Variants in FAT2 observed in about 807,000 individuals in gnomAD.
The protein encoded by FAT2 is FAT atypical cadherin 2.
Under a neutral mutation model 295.3 loss-of-function variants are expected in FAT2, and 150 were observed. The observed-to-expected ratio is 0.51, with a 90% CI of 0.44 to 0.58. The LOEUF (loss-of-function observed/expected upper bound fraction) is 0.58, where lower values mean the gene tolerates loss of function less well. Among genes scored for constraint, FAT2 ranks in the 20% least tolerant of loss-of-function variants. FAT2 has a pLI of 0.00. For synonymous variants in FAT2, 2,026 were observed against 2,150.3 expected, an observed-to-expected ratio of 0.94 and a Z score of 1.60; for missense variants, 4,868 against 5,442.7, an observed-to-expected ratio of 0.89 and a Z score of 3.32.
chr5:151,509,771 G>A, intron 22 of FAT2: 1 of 438,718 alleles, frequency 2.3e-6, no homozygotes, highest in Non-Finnish European at 4.1e-6. Flanking sequence ...TGCAATAAAT[G>A]TCATGTGCTT....
chr5:151,567,212 G>A lies in FAT2; in HGVS notation c.1720C>T (p.Arg574Cys), dbSNP rs1432862. ...FEEVNCTGSI[R>C]QDWPVGKSIM... ...GATTTCCCTACTGGCCAGTCTTGGC[G>A]GATAGACCCTGTACAGTTGACTTCT... is the stretch of plus-strand genomic sequence containing the variant. The change falls in exon 2 of 24, where the codon CGC becomes TGC. Residue 574 changes from arginine to cysteine, a missense_variant. Arg to Cys is a radical substitution (Grantham distance 180). Around this residue, in one of 5 missense-constraint regions of FAT2, gnomAD observed 3,297 missense variants for 3,669.4 expected, o/e 0.90. Transcript: ENST00000261800. 0.5 allele frequency: 812,272 copies of A among 1,613,572 alleles called. 207,845 individuals carry two copies. Among genetic ancestry groups the A allele is most frequent in the Non-Finnish European group, 0.53 (623,845 of 1,179,788 alleles).
intron 21 of FAT2, 177 bp from the exon 22 acceptor site, chr5:151,510,351 T>C (rs1300905352): frequency 3.1e-6 from 2 of 640,256 alleles, no homozygotes; most frequent in East Asian, 2.8e-5. Flanking sequence ...AAGAGCACTT[T>C]GGTCCCTGCC....
At chr5:151,558,386 C>A (rs771154267) in intron 3 of FAT2, among the ~76,000 whole-genome samples, 1 of 152,052 alleles carries the variant, frequency 6.6e-6, no homozygotes, top group Non-Finnish European at 1.5e-5. Context: ...GAGGCCGAAG[C>A]GGGCGGATCA....
At chr5:151,508,612 AG>A (rs199742095) in intron 22 of FAT2, among the ~76,000 whole-genome samples, 2,242 of 151,810 alleles carry the variant, frequency 0.015, 15 homozygotes, top group Non-Finnish European at 0.02. Context: ...TGGCAGGCTG[AG>A]GCAGGGGAAT....
At position 151,545,686 on chromosome 5, in the gene FAT2, T is replaced by G. The variant is rs1183126397; in HGVS notation, c.5441A>C (p.Lys1814Thr). Reference protein sequence around the residue: ...ILEPEALKFFKIDPSMGTLTI... With the variant: ...ILEPEALKFFTIDPSMGTLTI... ...TAGGGTTCCCATGCTGGGATCAATT[T>G]TGAAAAACTTCAAGGCCTCCGGCTC... Residue 1814 changes from lysine to threonine, a missense_variant, in exon 10 of 24, where the codon AAA (lysine) becomes ACA (threonine). Physicochemically the swap from Lys to Thr is moderately conservative, Grantham distance 78 (BLOSUM62 -1). Coordinates refer to ENST00000261800, the MANE Select transcript of FAT2 (RefSeq NM_001447.3). The G allele has an allele frequency of 1.2e-6, 2 of 1,614,076 alleles. No homozygotes were observed. Among genetic ancestry groups the G allele is most frequent in the African/African-American group, 2.7e-5 (2 of 74,934 alleles).
chr5:151,575,540 C>T (rs375731517), intron 1 of FAT2, among the ~76,000 whole-genome samples: 20 of 152,168 alleles, frequency 1.3e-4, no homozygotes, highest in East Asian at 1.9e-4. Flanking sequence ...AGGTAAAGTA[C>T]GGCAAATACC....
chr5:151,537,714 A>C (rs1437315679), intron 12 of FAT2, 79 bp downstream of exon 12: 1 of 1,402,248 alleles, frequency 7.1e-7, no homozygotes, highest in Non-Finnish European at 9.7e-7. Context: ...TTTCTTCTCC[A>C]AGGAGAATAC....
At position 151,543,267 on chromosome 5, in the gene FAT2, G is replaced by A. The variant is rs1345149095; in HGVS notation, c.7860C>T (p.Val2620=). The change falls in exon 10 of 24, where the codon GTC becomes GTT. Residue 2620 remains valine (V), a synonymous_variant. Transcript: ENST00000261800. ...GGTCCTCTGGGTTCACTGAGTAGGT[G>A]ACATCTGCGTTCTGACCTTCATCTG... is the stretch of plus-strand genomic sequence containing the variant. ...YDADEGQNAD[V]TYSVNPEDLV... The A allele has an allele frequency of 1.2e-6, 2 of 1,614,062 alleles. No individual in the cohort carries two copies. The highest frequency in any genetic ancestry group is 1.7e-6 in the Non-Finnish European group (2 of 1,180,036).
At position 151,563,515 on chromosome 5, in the gene FAT2, C is replaced by T. The variant is rs137865400; in HGVS notation, c.3384G>A (p.Thr1128=). 9 of 1,614,122 alleles carry T rather than the reference C, an allele frequency of 5.6e-6. No individual in the cohort carries two copies. The highest frequency in any genetic ancestry group is 3.3e-5 in the Admixed American group (2 of 60,028). The part of the protein sequence containing the change: ...SSVTEVYIEV[T]DANDNPPQMS... ...TCTGGGGTGGGTTGTCATTGGCATC[C>T]GTAACCTCGATGTAGACTTCAGTTA... The change falls in exon 3 of 24, where the codon ACG becomes ACA. Residue 1128 remains threonine (T), a synonymous_variant. Coordinates refer to ENST00000261800, the MANE Select transcript of FAT2 (RefSeq NM_001447.3).
intron 9 of FAT2, 106 bp downstream of exon 9, chr5:151,549,189 T>C (rs756703936): frequency 7.5e-5 from 78 of 1,045,196 alleles, no homozygotes; most frequent in Non-Finnish European, 1.0e-4. Context: ...TGCCAAGGCT[T>C]AATGAGCTTG....
rs1754087640 is a variant in FAT2 at position 151,527,083 on chromosome 5, A to G, written c.10308+151T>C. The G allele has an allele frequency of 3.4e-5, 25 of 741,164 alleles. 1 individual carries two copies. In the South Asian group the frequency reaches 4.5e-4, roughly 13 times the overall value. The allele number at this position is 741,164 out of a possible 1,614,324, so 45.9% of individuals were successfully genotyped here. ...GTGCCTGATTCCCTTCAATTCTATA[A>G]TGCCCTCCAGCAGTCTGTGTTGCCT... On this transcript the variant is annotated intron_variant, in intron 17 of 23. Transcript: ENST00000261800.
chr5:151,506,743 C>T (rs1760911609), intron 23 of FAT2, among the ~76,000 whole-genome samples: 1 of 152,238 alleles, frequency 6.6e-6, no homozygotes, highest in Admixed American at 6.5e-5. Context: ...AGGTGATATT[C>T]CCCCTCTAGG....
chr5:151,543,082 A>G lies in FAT2; in HGVS notation c.8045T>C (p.Val2682Ala). 2 of 1,614,160 alleles carry G rather than the reference A, an allele frequency of 1.2e-6. No homozygotes were observed. Among genetic ancestry groups the G allele is most frequent in the Middle Eastern group, 1.6e-4 (1 of 6,062 alleles). Residue 2682 changes from valine (V) to alanine (A), a missense_variant, in exon 10 of 24, where the codon GTT becomes GCT. Around this residue, in one of 5 missense-constraint regions of FAT2, gnomAD observed 3,297 missense variants for 3,669.4 expected, o/e 0.90. Transcript: ENST00000261800. ...TTTCGGTAAGGATACTTTTTTAGGA[A>G]CCACCTGAAGTCGTACTGGCACCAG... The part of the protein sequence containing the change: ...NSLVPVRLQV[V>A]PKKVSLPKFS...
At chr5:151,580,702 G>C (rs1264333788) in intron 1 of FAT2, among the ~76,000 whole-genome samples, 2 of 152,170 alleles carry the variant, frequency 1.3e-5, no homozygotes, top group Non-Finnish European at 2.9e-5. Flanking sequence ...TAACAGATGT[G>C]ATCTTCTTCA....
Position 151,510,001 on chromosome 5 carries a change from G to T in FAT2, c.12059+20C>A, listed in dbSNP as rs765555615. The T allele has an allele frequency of 6.2e-7, 1 of 1,611,372 alleles. No homozygotes were observed. Among genetic ancestry groups the T allele is most frequent in the Non-Finnish European group, 8.5e-7 (1 of 1,179,624 alleles). On this transcript the variant is annotated intron_variant, in intron 22 of 23. Coordinates refer to ENST00000261800, the MANE Select transcript of FAT2 (RefSeq NM_001447.3). Reference sequence around the variant, plus strand: ...TTCCCTAACAAGGAGCCCATGGCAGGTGGCCTCTCCTGGGATTACCTGTCT... The same window carrying T: ...TTCCCTAACAAGGAGCCCATGGCAGTTGGCCTCTCCTGGGATTACCTGTCT...
At chr5:151,586,878 C>T (rs1284721383) in intron 1 of FAT2, among the ~76,000 whole-genome samples, 1 of 152,136 alleles carries the variant, frequency 6.6e-6, no homozygotes, top group South Asian at 2.1e-4. Context: ...CAGTGGCCCA[C>T]GCTTGTAATC....
rs750724598 is a variant in FAT2, at chr5:151,567,187, G to A, written c.1745C>T (p.Ser582Leu). 4.3e-6 allele frequency: 7 copies of A among 1,614,092 alleles called. No individual in the cohort carries two copies. The South Asian group carries it at 6.6e-5, about 15-fold the overall frequency. ...SIRQDWPVGK[S>L]IMTMSAIDVD... ...ATCTATGGCTGACATAGTCATTATCGATTTCCCTACTGGCCAGTCTTGGCG... is the reference window on the plus strand; with the variant it reads ...ATCTATGGCTGACATAGTCATTATCAATTTCCCTACTGGCCAGTCTTGGCG... The change falls in exon 2 of 24, where the codon TCG (serine) becomes TTG (leucine). Residue 582 changes from serine to leucine, a missense_variant. Around this residue, in one of 5 missense-constraint regions of FAT2, gnomAD observed 3,297 missense variants for 3,669.4 expected, o/e 0.90. Transcript: ENST00000261800.
intron 22 of FAT2, among the ~76,000 whole-genome samples, chr5:151,508,362 C>T (rs776936429): frequency 1.8e-4 from 28 of 152,198 alleles, no homozygotes; most frequent in Non-Finnish European, 3.2e-4. Flanking sequence ...ATCTCGTGAA[C>T]GAATAGCATT....
rs746829055 is a variant in FAT2, at chr5:151,553,284, T to C, written c.4049A>G (p.Asp1350Gly). The C allele has an allele frequency of 1.9e-6, 3 of 1,614,208 alleles. No homozygotes were observed. Among genetic ancestry groups the C allele is most frequent in the South Asian group, 2.2e-5 (2 of 91,086 alleles). The change falls in exon 6 of 24, where the codon GAT becomes GGT. Residue 1350 changes from aspartate (D) to glycine (G), a missense_variant. Asp to Gly is a moderately conservative substitution (Grantham distance 94). Coordinates refer to ENST00000261800, the MANE Select transcript of FAT2 (RefSeq NM_001447.3). ...PRPSSIPLAF[D>G]ETYYSFTVME... is the part of the protein sequence containing the mutation. ...GACCGTAAAGCTGTAGTAGGTCTCA[T>C]CAAAGGCCAGAGGGATGGAGGACGG...
Sources: allele counts gnomAD v4.1 joint callset (sites outside exome capture counted in the v4.1 genomes callset), GRCh38; gene constraint gnomAD v4.1.1; regional missense constraint gnomAD v4.1.1; transcripts MANE v1.5; gene names NCBI Gene and HGNC (gene_info 2026-07-23, HGNC 2026-07-21).